Variants in ANKRD11 observed in about 807,000 individuals in gnomAD.
ANKRD11 encodes the protein ankyrin repeat domain-containing protein 11.
ANKRD11 carries 17 observed loss-of-function variants against 195.7 expected under a neutral mutation model. The ratio of observed to expected loss-of-function variants is 0.09; its 90% CI spans 0.06 to 0.13. The LOEUF (loss-of-function observed/expected upper bound fraction) is 0.13. Ranked by LOEUF, ANKRD11 falls within the 10% of genes least tolerant of loss-of-function variation. ANKRD11 has a pLI of 1.00. For synonymous variants in ANKRD11, 1,953 were observed against 1,528.1 expected, an observed-to-expected ratio of 1.28 and a Z score of -6.49; for missense variants, 3,735 against 3,566.1, an observed-to-expected ratio of 1.05 and a Z score of -1.21.
chr16:89,313,265 G>A (rs1457584992), intron 3 of ANKRD11: 16 of 1,269,328 alleles, frequency 1.3e-5, no homozygotes, highest in South Asian at 8.9e-5. Context: ...GGGTGGGGAC[G>A]ACAGGGGACC....
chr16:89,336,666 C>T (rs565817935), intron 2 of ANKRD11, among the ~76,000 whole-genome samples: 6 of 152,320 alleles, frequency 3.9e-5, no homozygotes, highest in African/African-American at 1.4e-4. Context: ...TGGGCCACGA[C>T]AGGGAGCACA....
Position 89,279,656 on chromosome 16 carries a change from C to T in ANKRD11, c.6886G>A (p.Ala2296Thr), listed in dbSNP as rs893421448. Residue 2296 changes from alanine (A) to threonine (T), a missense_variant, in exon 9 of 13, where the codon GCC becomes ACC. Coordinates refer to ENST00000301030, the MANE Select transcript of ANKRD11 (RefSeq NM_013275.6). The surrounding 1 kb of genome is among the most constrained non-coding windows in gnomAD (Gnocchi z 5.6). ...DGAGPEDDTE[A>T]SRAAAPAEGP... ...TCGGCTGGGGCGGCGGCACGGGAGG[C>T]CTCAGTGTCGTCCTCGGGGCCGGCA... 22 of 1,443,710 alleles carry T rather than the reference C, an allele frequency of 1.5e-5. No individual in the cohort carries two copies. The South Asian group carries it at 2.5e-4, about 16-fold the overall frequency. The allele number at this position is 1,443,710 out of a possible 1,614,324, so 89.4% of individuals were successfully genotyped here. A position where few individuals can be genotyped will look rare whatever the true frequency, so the allele number is the denominator to read the frequency against.
chr16:89,330,880 T>C (rs1386066864), intron 2 of ANKRD11, among the ~76,000 whole-genome samples: 2 of 152,174 alleles, frequency 1.3e-5, no homozygotes, highest in Non-Finnish European at 2.9e-5. Context: ...ACCTGGTAAT[T>C]TGACTGTACA....
chr16:89,438,375 A>G (rs1322623769), intron 1 of ANKRD11, among the ~76,000 whole-genome samples: 3 of 151,342 alleles, frequency 2.0e-5, no homozygotes, highest in Admixed American at 6.6e-5. Flanking sequence ...GCTGGAGTGC[A>G]GTGGTGCGAT....
At position 89,280,960 on chromosome 16, in the gene ANKRD11, T is replaced by C. The variant is rs1330096633; in HGVS notation, c.5582A>G (p.Lys1861Arg). The change falls in exon 9 of 13, where the codon AAA (lysine) becomes AGA (arginine). Residue 1861 changes from lysine (K) to arginine (R), a missense_variant. Transcript: ENST00000301030. The part of the protein sequence containing the change: ...YSPDYGLPSP[K>R]VDALHCPPAA... ...CGGTGGGCAGTGCAAAGCGTCGACTTTGGGCGACGGGAGGCCATAGTCTGG... is the reference window on the plus strand; with the variant it reads ...CGGTGGGCAGTGCAAAGCGTCGACTCTGGGCGACGGGAGGCCATAGTCTGG... The C allele has an allele frequency of 4.5e-6, 7 of 1,572,844 alleles. No individual in the cohort carries two copies. Among genetic ancestry groups the C allele is most frequent in the South Asian group, 3.5e-5 (3 of 85,780 alleles).
intron 2 of ANKRD11, among the ~76,000 whole-genome samples, chr16:89,356,345 T>C (rs113448531): frequency 1.2e-4 from 14 of 116,230 alleles, no homozygotes; most frequent in African/African-American, 4.6e-4. Context: ...TCCGCTGAGG[T>C]GAGAAGGATG....
intron 2 of ANKRD11, among the ~76,000 whole-genome samples, chr16:89,406,728 C>T (rs139090814): frequency 1.2e-4 from 19 of 152,306 alleles, no homozygotes; most frequent in African/African-American, 3.8e-4. Flanking sequence ...ACCTCAGTGC[C>T]TCCTTCACGC....
chr16:89,394,398 G>T (rs1399650057), intron 2 of ANKRD11, among the ~76,000 whole-genome samples: 1 of 152,232 alleles, frequency 6.6e-6, no homozygotes, highest in African/African-American at 2.4e-5. Flanking sequence ...GGAGGCCAAG[G>T]CGGGCAGATC....
chr16:89,328,025 C>G (rs2037826761), intron 2 of ANKRD11, among the ~76,000 whole-genome samples: 2 of 152,156 alleles, frequency 1.3e-5, no homozygotes. Context: ...AAGTATCAAA[C>G]AACAAACATT....
rs141943361 is a variant in ANKRD11 at position 89,283,960 on chromosome 16, G to A, written c.2582C>T (p.Pro861Leu). Residue 861 changes from proline (P) to leucine (L), a missense_variant, in exon 9 of 13, where the codon CCA becomes CTA. Physicochemically the swap from Pro to Leu is moderately conservative, Grantham distance 98 (BLOSUM62 -3). Transcript: ENST00000301030. This position sits in a 1 kb window ranked among gnomAD's most constrained non-coding sequence, Gnocchi z 4.3. Reference protein sequence around the residue: ...DFKGEDSWDSPVTDYRDMKSD... With the variant: ...DFKGEDSWDSLVTDYRDMKSD... The stretch of plus-strand genomic sequence containing the variant: ...CTTCATGTCCCTGTAGTCTGTCACT[G>A]GCGAGTCCCAGCTGTCCTCCCCTTT... 6.2e-7 allele frequency: 1 copy of A among 1,613,976 alleles called. No individual in the cohort carries two copies. The highest frequency in any genetic ancestry group is 8.5e-7 in the Non-Finnish European group (1 of 1,180,034).
At chr16:89,342,647 C>G (rs2038746849) in intron 2 of ANKRD11, among the ~76,000 whole-genome samples, 2 of 152,314 alleles carry the variant, frequency 1.3e-5, no homozygotes, top group Non-Finnish European at 2.9e-5. Context: ...CAAGTATGAG[C>G]TGACATTCTT....
chr16:89,287,267 A>G (rs2034712839), intron 7 of ANKRD11: 1 of 394,330 alleles, frequency 2.5e-6, no homozygotes, highest in South Asian at 2.1e-5. Flanking sequence ...GGCATCTCTC[A>G]GACTCAGCAG....
In ANKRD11 at chr16:89,324,194, G is replaced by A. The variant is rs1029060623; in HGVS notation, c.-59-7116C>T. 21 of 1,173,498 alleles carry A rather than the reference G, an allele frequency of 1.8e-5. No homozygotes were observed. In the Admixed American group the frequency reaches 2.7e-4, roughly 15 times the overall value. 72.7% of individuals were successfully genotyped at this position (1,173,498 alleles called of 1,614,324 possible). On this transcript the variant is annotated intron_variant, in intron 2 of 12. Coordinates refer to ENST00000301030, the MANE Select transcript of ANKRD11 (RefSeq NM_013275.6). ...TATCACGGCGGGGGGTGGCAGCACC[G>A]AGAGCGCGTTCAGCATTACTGGCCT... is the stretch of plus-strand genomic sequence containing the variant.
At chr16:89,338,726 CAAAAAAAAAAAA>C (rs34799616) in intron 2 of ANKRD11, among the ~76,000 whole-genome samples, 1 of 43,792 alleles carries the variant, frequency 2.3e-5, no homozygotes, top group Non-Finnish European at 3.9e-5. Flanking sequence ...CACTCAGTCT[CAAAAAAAAAAAA>C]AAAAAAAAAA....
intron 2 of ANKRD11, among the ~76,000 whole-genome samples, chr16:89,378,557 A>G (rs1315582990): frequency 6.6e-6 from 1 of 152,250 alleles, no homozygotes; most frequent in Non-Finnish European, 1.5e-5. Context: ...GGCTACAGAT[A>G]CAGCAGGCTG....
intron 1 of ANKRD11, among the ~76,000 whole-genome samples, chr16:89,422,994 C>G (rs2042574822): frequency 6.6e-6 from 1 of 152,218 alleles, no homozygotes; most frequent in Non-Finnish European, 1.5e-5. Context: ...TTCTTTCTGT[C>G]CACACTGACT....
intron 2 of ANKRD11, among the ~76,000 whole-genome samples, chr16:89,399,380 A>T (rs919316756): frequency 2.0e-5 from 3 of 152,216 alleles, no homozygotes; most frequent in African/African-American, 2.4e-5. Context: ...CCATAGACGC[A>T]TGCTGCTGAG....
intron 1 of ANKRD11, among the ~76,000 whole-genome samples, chr16:89,462,999 T>TG (rs1181832937): frequency 8.2e-5 from 10 of 121,438 alleles, no homozygotes; most frequent in Non-Finnish European, 1.4e-4. Flanking sequence ...GGGAGGGAGG[T>TG]GGGGGGGTCA....
At chr16:89,401,649 C>G (rs1244249930) in intron 2 of ANKRD11, among the ~76,000 whole-genome samples, 1 of 152,146 alleles carries the variant, frequency 6.6e-6, no homozygotes, top group African/African-American at 2.4e-5. Flanking sequence ...TCCTAGCCCC[C>G]CAACACCACA....
Sources: allele counts gnomAD v4.1 joint callset (sites outside exome capture counted in the v4.1 genomes callset), GRCh38; gene constraint gnomAD v4.1.1; non-coding constraint Gnocchi (gnomAD v3.1); transcripts MANE v1.5; gene names NCBI Gene and HGNC (gene_info 2026-07-23, HGNC 2026-07-21).